Variants in FAM53A observed in about 807,000 individuals in gnomAD.
FAM53A encodes family with sequence similarity 53 member A, also known as protein FAM53A.
A neutral mutation model predicts 26.6 loss-of-function variants in FAM53A; 28 were observed. The observed-to-expected ratio is 1.05, with a 90% confidence interval of 0.78 to 1.45. The LOEUF (loss-of-function observed/expected upper bound fraction) is 1.45. FAM53A is among the 40% of genes most tolerant of loss of function. The pLI is 0.00. For synonymous variants in FAM53A, 290 were observed against 253.1 expected, an observed-to-expected ratio of 1.15 and a Z score of -1.38; for missense variants, 650 against 575.8, an observed-to-expected ratio of 1.13 and a Z score of -1.32.
chr4:1,669,147 G>A (rs1714455837), intron 1 of FAM53A, among the ~76,000 whole-genome samples: 1 of 152,136 alleles, frequency 6.6e-6, no homozygotes, highest in Admixed American at 6.6e-5. Context: ...ACTGAAAGAA[G>A]AAGATAGGCC....
At chr4:1,600,919 T>C in the FAM53A span, among the ~76,000 whole-genome samples, 1 of 152,116 alleles carries the variant, frequency 6.6e-6, no homozygotes, top group South Asian at 2.1e-4. Flanking sequence ...GCCCAGGCTG[T>C]TAGGCTCGAC....
chr4:1,606,454 G>A, the FAM53A span, among the ~76,000 whole-genome samples: 8 of 152,106 alleles, frequency 5.3e-5, no homozygotes, highest in Admixed American at 3.9e-4. Flanking sequence ...TAAGATAGCC[G>A]AGACCCGATG....
rs73798426 is a variant in FAM53A, at chr4:1,675,647, T to G, written c.-164-6742A>C. 1.3e-3 allele frequency among the ~76,000 whole-genome samples: 199 copies of G among 151,960 alleles called. 1 individual carries two copies. Among genetic ancestry groups the G allele is most frequent in the African/African-American group, 4.6e-3 (191 of 41,362 alleles). On this transcript the variant is annotated intron_variant, in intron 1 of 4. Transcript: ENST00000308132. The stretch of plus-strand genomic sequence containing the variant: ...CCCAGCTCAAGCCTGATCCTCAAGG[T>G]CTGGAGGACCGCAGCAGCCTACACT...
intron 2 of FAM53A, among the ~76,000 whole-genome samples, chr4:1,664,538 A>C: frequency 6.6e-6 from 1 of 152,238 alleles, no homozygotes; most frequent in East Asian, 1.9e-4. Flanking sequence ...GCTATTTAAA[A>C]TACTGACTTG....
chr4:1,630,742 G>A lies in FAM53A; in HGVS notation c.432-12631C>T, dbSNP rs1715578507. Among the ~76,000 whole-genome samples the A allele has an allele frequency of 6.6e-6, 1 of 152,202 alleles. No individual in the cohort carries two copies. Among genetic ancestry groups the A allele is most frequent in the South Asian group, 2.1e-4 (1 of 4,824 alleles). On this transcript the variant is annotated intron_variant, in intron 1 of 1. Coordinates refer to the FAM53A transcript ENST00000489029. This position sits in a 1 kb window ranked among gnomAD's most constrained non-coding sequence, Gnocchi z 4.3. The stretch of plus-strand genomic sequence containing the variant: ...AGAGACAACAAGCGGAGGGGAGGCT[G>A]CCAGGGCAGGGCAGGGTGGGGAGCG...
intron 2 of FAM53A, among the ~76,000 whole-genome samples, chr4:1,667,120 T>C (rs1361663611): frequency 7.6e-6 from 1 of 132,428 alleles, no homozygotes; most frequent in Non-Finnish European, 1.6e-5. Flanking sequence ...AGAGCAAGAC[T>C]CCATCTCAAA....
At chr4:1,621,509 G>T (rs1715035787) in intron 1 of FAM53A, among the ~76,000 whole-genome samples, 1 of 152,186 alleles carries the variant, frequency 6.6e-6, no homozygotes, top group Non-Finnish European at 1.5e-5. Flanking sequence ...TGCAAGGAAG[G>T]TTGGGAGGTG....
chr4:1,607,905 A>T, the FAM53A span, among the ~76,000 whole-genome samples: 1 of 150,536 alleles, frequency 6.6e-6, no homozygotes, highest in Non-Finnish European at 1.5e-5. Flanking sequence ...ACGCCACTGC[A>T]CTCCAACCTG....
At chr4:1,653,455 G>A (rs1384980104) in intron 4 of FAM53A, among the ~76,000 whole-genome samples, 1 of 152,116 alleles carries the variant, frequency 6.6e-6, no homozygotes. Context: ...ACAACGTGCT[G>A]AGCCGGCAGC....
At chr4:1,663,691 G>A (rs950410696) in intron 2 of FAM53A, among the ~76,000 whole-genome samples, 1 of 152,052 alleles carries the variant, frequency 6.6e-6, no homozygotes, top group Non-Finnish European at 1.5e-5. Flanking sequence ...ACTGTAGGCT[G>A]GGCGCAGTGG....
At chr4:1,596,704 G>A in the FAM53A span, among the ~76,000 whole-genome samples, 5 of 152,172 alleles carry the variant, frequency 3.3e-5, no homozygotes, top group East Asian at 1.9e-4. Context: ...CGTGCCACAC[G>A]GTACATGCGG....
At chr4:1,644,526 C>T (rs1712064283) in intron 4 of FAM53A, 3 of 769,688 alleles carry the variant, frequency 3.9e-6, no homozygotes, top group East Asian at 2.7e-5. Flanking sequence ...CCCACGGGGC[C>T]GATGCTGGCC....
the FAM53A span, among the ~76,000 whole-genome samples, chr4:1,592,852 C>G: frequency 2.0e-5 from 3 of 152,190 alleles, no homozygotes; most frequent in African/African-American, 7.2e-5. Context: ...CCCGCACACG[C>G]CTGGAGCCCC....
chr4:1,661,272 G>T (rs574217367), intron 2 of FAM53A, among the ~76,000 whole-genome samples: 5 of 152,198 alleles, frequency 3.3e-5, no homozygotes, highest in African/African-American at 4.8e-5. Flanking sequence ...TGACTCCCCA[G>T]ATGTCCATAT....
At chr4:1,619,844 C>T (rs1714951031) in intron 1 of FAM53A, among the ~76,000 whole-genome samples, 2 of 152,254 alleles carry the variant, frequency 1.3e-5, no homozygotes, top group African/African-American at 4.8e-5. Context: ...ATCTGCTTCA[C>T]TTCATCTGCC....
chr4:1,648,663 A>G (rs1712458672), intron 4 of FAM53A, among the ~76,000 whole-genome samples: 1 of 152,226 alleles, frequency 6.6e-6, no homozygotes, highest in Admixed American at 6.5e-5. Context: ...GCTGAATTTA[A>G]GGCAATGCAC....
At chr4:1,684,474 G>A (rs1715676136), upstream of FAM53A, among the ~76,000 whole-genome samples, 1 of 150,318 alleles carries the variant, frequency 6.7e-6, no homozygotes, top group South Asian at 2.1e-4. Context: ...AGGCGCCCAG[G>A]CTCGCACCGC....
At chr4:1,617,750 G>A (rs1180490936), downstream of FAM53A, among the ~76,000 whole-genome samples, 1 of 152,086 alleles carries the variant, frequency 6.6e-6, no homozygotes, top group African/African-American at 2.4e-5. Context: ...ATGTCTTGAC[G>A]CCCCTTTCAT....
chr4:1,662,165 A>G (rs868617729), intron 2 of FAM53A, among the ~76,000 whole-genome samples: 2 of 152,068 alleles, frequency 1.3e-5, no homozygotes, highest in African/African-American at 4.8e-5. Flanking sequence ...CCCCTTTCTA[A>G]AAGATATAAA....
Sources: gnomAD v4.1 joint callset for allele counts (sites outside exome capture counted in the v4.1 genomes callset) on GRCh38, gnomAD v4.1.1 for gene constraint, Gnocchi (gnomAD v3.1) non-coding constraint, MANE v1.5 for transcripts, NCBI Gene and HGNC (gene_info 2026-07-23, HGNC 2026-07-21) for gene names.